ERBB4: variants seen among roughly 807,000 people sequenced by gnomAD.
The protein encoded by ERBB4 is receptor tyrosine-protein kinase erbB-4.
ERBB4 carries 42 observed loss-of-function variants against 158.0 expected under a neutral mutation model. That is an observed-to-expected ratio of 0.27 (90% CI 0.21 to 0.34). ERBB4 has a LOEUF of 0.34. ERBB4 is among the 10% of genes least tolerant of loss of function. The pLI is 1.00. For missense variants in ERBB4, 1,333 were observed against 1,624.1 expected (o/e 0.82, Z 3.08); for synonymous variants, 583 against 558.7 (o/e 1.04, Z -0.61).
rs2087907545 is a variant in ERBB4, at chr2:212,327,555, C to T, written c.83-202652G>A. On this transcript the variant is annotated intron_variant, in intron 1 of 27. Coordinates refer to ENST00000342788, the MANE Select transcript of ERBB4 (RefSeq NM_005235.3). The stretch of plus-strand genomic sequence containing the variant: ...TGCTTGATCTCCTGGTCTTGAATTC[C>T]CTATGATTCTAAAACCAAACCAAAG... 2.0e-5 allele frequency among the ~76,000 whole-genome samples: 3 copies of T among 151,820 alleles called. No individual in the cohort carries two copies. The South Asian group carries it at 6.2e-4, about 31-fold the overall frequency.
chr2:211,466,707 T>C (rs775512726), intron 20 of ERBB4, among the ~76,000 whole-genome samples: 1 of 152,128 alleles, frequency 6.6e-6, no homozygotes, highest in South Asian at 2.1e-4. Context: ...AGTGCTATGG[T>C]TTACAGACCT....
At position 211,379,974 on chromosome 2, in the gene ERBB4, A is replaced by G. The variant is rs184394338; in HGVS notation, c.*3641T>C. The G allele has an allele frequency of 1.3e-3, 308 of 232,128 alleles. 1 individual carries two copies. Among genetic ancestry groups the G allele is most frequent in the Middle Eastern group, 5.1e-3 (4 of 780 alleles). 14.4% of individuals were successfully genotyped at this position (232,128 alleles called of 1,614,324 possible). A position where few individuals can be genotyped will look rare whatever the true frequency, so the allele number is the denominator to read the frequency against. ...TTGATTTTTCCTTAGCATTGTAAGT[A>G]TGCACAATCTTCATGCCATGTCTTT... On this transcript the variant is annotated 3_prime_UTR_variant, in exon 28 of 28. Coordinates refer to ENST00000342788, the MANE Select transcript of ERBB4 (RefSeq NM_005235.3).
intron 4 of ERBB4, among the ~76,000 whole-genome samples, chr2:211,771,275 A>G (rs2106266269): frequency 6.6e-6 from 1 of 152,256 alleles, no homozygotes; most frequent in East Asian, 1.9e-4. Flanking sequence ...ACCATGCTAC[A>G]CAACATCTCT....
At chr2:211,387,298 G>A in intron 26 of ERBB4, 148 bp from the exon 27 acceptor site, 1 of 697,962 alleles carries the variant, frequency 1.4e-6, no homozygotes, top group Non-Finnish European at 2.5e-6. Context: ...GGCTAATGGA[G>A]TTACAAACTA....
intron 12 of ERBB4, among the ~76,000 whole-genome samples, chr2:211,696,861 G>A (rs1232559114): frequency 6.6e-6 from 1 of 151,912 alleles, no homozygotes; most frequent in Non-Finnish European, 1.5e-5. Flanking sequence ...CTAGAGACGG[G>A]GTTTCACCAT....
chr2:211,628,758 A>T (rs529699732), intron 17 of ERBB4, among the ~76,000 whole-genome samples: 1 of 152,346 alleles, frequency 6.6e-6, no homozygotes, highest in Admixed American at 6.5e-5. Context: ...GACTTCCACA[A>T]TGGTTGAACT....
At chr2:212,124,648 A>G (rs2079864089) in intron 2 of ERBB4, 104 bp downstream of exon 2, 1 of 1,307,002 alleles carries the variant, frequency 7.7e-7, no homozygotes, top group Non-Finnish European at 1.1e-6. Flanking sequence ...AGTGCCTGCC[A>G]GGCAGAAGAG....
intron 3 of ERBB4, among the ~76,000 whole-genome samples, chr2:211,865,977 T>C (rs752594242): frequency 6.6e-6 from 1 of 152,218 alleles, no homozygotes; most frequent in Non-Finnish European, 1.5e-5. Flanking sequence ...TATACACTTA[T>C]ACTGTGACCG....
At chr2:212,344,458 ATATATGTGTGTGTATATATGTGTG>A (rs776142086) in intron 1 of ERBB4, among the ~76,000 whole-genome samples, 64 of 141,852 alleles carry the variant, frequency 4.5e-4, no homozygotes, top group Admixed American at 1.0e-3. Flanking sequence ...TAGCTACCAT[ATATATGTGTGTGTATATATGTGTG>A]TGTGTGTGTG....
chr2:211,424,726 C>T (rs55901919), intron 22 of ERBB4, among the ~76,000 whole-genome samples: 46,512 of 151,924 alleles, frequency 0.31, 7,432 homozygotes, highest in South Asian at 0.54. Flanking sequence ...ATTTTAAGAT[C>T]AGCATCTTTG....
intron 4 of ERBB4, among the ~76,000 whole-genome samples, chr2:211,768,211 A>G (rs1163550469): frequency 1.3e-5 from 2 of 152,176 alleles, no homozygotes; most frequent in African/African-American, 4.8e-5. Flanking sequence ...ACGTTGATGC[A>G]AGAGGTGGGC....
intron 2 of ERBB4, among the ~76,000 whole-genome samples, chr2:211,963,833 T>A (rs1299142899): frequency 6.6e-6 from 1 of 152,206 alleles, no homozygotes; most frequent in Non-Finnish European, 1.5e-5. Flanking sequence ...AATTCTTCTT[T>A]AATCTCTGAG....
chr2:212,017,051 A>G (rs966785972), intron 2 of ERBB4, among the ~76,000 whole-genome samples: 2 of 152,152 alleles, frequency 1.3e-5, no homozygotes, highest in African/African-American at 4.8e-5. Flanking sequence ...AGCGTATTTG[A>G]AATGTGATTT....
At chr2:211,606,058 T>G (rs865837032) in intron 19 of ERBB4, among the ~76,000 whole-genome samples, 1 of 152,108 alleles carries the variant, frequency 6.6e-6, no homozygotes, top group Non-Finnish European at 1.5e-5. Context: ...GGAGTTTAAA[T>G]TAAGTAAATT....
chr2:211,886,125 T>G (rs2078794232), intron 3 of ERBB4, among the ~76,000 whole-genome samples: 1 of 152,188 alleles, frequency 6.6e-6, no homozygotes, highest in Non-Finnish European at 1.5e-5. Context: ...ACAGTTTCTG[T>G]TTTCTCTGTC....
chr2:211,464,502 C>A (rs1041565698), intron 20 of ERBB4, among the ~76,000 whole-genome samples: 1 of 152,100 alleles, frequency 6.6e-6, no homozygotes, highest in Non-Finnish European at 1.5e-5. Flanking sequence ...CAAAACCATC[C>A]TTAACATCAG....
intron 3 of ERBB4, among the ~76,000 whole-genome samples, chr2:211,835,649 T>C (rs2077324921): frequency 6.6e-6 from 1 of 152,094 alleles, no homozygotes; most frequent in Non-Finnish European, 1.5e-5. Flanking sequence ...CTCACCTTCA[T>C]TCTTTCAAAG....
chr2:211,696,735 T>C (rs2073037607), intron 12 of ERBB4, among the ~76,000 whole-genome samples: 2 of 152,024 alleles, frequency 1.3e-5, no homozygotes, highest in South Asian at 2.1e-4. Context: ...AGTGGCGTGA[T>C]CTTGGCTCAC....
chr2:212,077,220 TATC>T (rs2125458172), intron 2 of ERBB4, among the ~76,000 whole-genome samples: 1 of 152,086 alleles, frequency 6.6e-6, no homozygotes, highest in South Asian at 2.1e-4. Context: ...GGGGCAAAAT[TATC>T]ATTATCTACT....
Sources: allele counts gnomAD v4.1 joint callset (sites outside exome capture counted in the v4.1 genomes callset), GRCh38; gene constraint gnomAD v4.1.1; transcripts MANE v1.5; gene names NCBI Gene and HGNC (gene_info 2026-07-23, HGNC 2026-07-21).